The following CFAP299 variants were observed in gnomAD, a reference collection of about 807,000 sequenced individuals.
CFAP299 encodes the protein cilia and flagella associated protein 299, also known as cilia- and flagella-associated protein 299.
Under a neutral mutation model 27.0 loss-of-function variants are expected in CFAP299, and 21 were observed. The ratio of observed to expected loss-of-function variants is 0.78; its 90% CI spans 0.55 to 1.12. CFAP299 has a LOEUF of 1.12. CFAP299 is among the 50% of genes most tolerant of loss of function. CFAP299 has a pLI of 0.00. For missense variants in CFAP299, 310 were observed against 276.6 expected (o/e 1.12, Z -0.86); for synonymous variants, 104 against 98.1 (o/e 1.06, Z -0.36).
chr4:80,918,570 G>A (rs552455625), intron 4 of CFAP299, among the ~76,000 whole-genome samples: 2 of 152,008 alleles, frequency 1.3e-5, no homozygotes, highest in Admixed American at 1.3e-4. Context: ...GAACATACAC[G>A]TATTTGTGTA....
chr4:80,555,519 G>A (rs769565392), intron 2 of CFAP299, among the ~76,000 whole-genome samples: 2 of 152,104 alleles, frequency 1.3e-5, no homozygotes, highest in Non-Finnish European at 2.9e-5. Flanking sequence ...CATAGAATAA[G>A]TTTGGGAGGA....
chr4:80,368,293 T>C lies in CFAP299; in HGVS notation c.242+5409T>C, dbSNP rs148994689. ...TGGATCCCTATGATCTTTTTGTACT[T>C]GATGAAGAGGATTTCTATGGTGATT... is the stretch of plus-strand genomic sequence containing the variant. On this transcript the variant is annotated intron_variant, in intron 2 of 5. Coordinates refer to ENST00000358105, the MANE Select transcript of CFAP299 (RefSeq NM_152770.3). Among the ~76,000 whole-genome samples, 257 of 152,290 alleles carry C rather than the reference T, an allele frequency of 1.7e-3. 1 individual carries two copies. The highest frequency in any genetic ancestry group is 6.1e-3 in the African/African-American group (252 of 41,556).
At chr4:80,456,983 C>CTTTTT (rs34551414) in intron 2 of CFAP299, among the ~76,000 whole-genome samples, 1 of 142,836 alleles carries the variant, frequency 7.0e-6, no homozygotes, top group Admixed American at 7.0e-5. Context: ...ATTCCAAATG[C>CTTTTT]TTTTTTTTTT....
chr4:80,707,111 T>A (rs1056408684), intron 3 of CFAP299, among the ~76,000 whole-genome samples: 1 of 151,914 alleles, frequency 6.6e-6, no homozygotes, highest in African/African-American at 2.4e-5. Context: ...TGTTTAATCT[T>A]CTATAGTAAC....
rs555573995 is a variant in CFAP299, at chr4:80,599,527, C to T, written c.333+16344C>T. ...AAAGTGATGTAGTTAGTGACCCAGT[C>T]GGTCTAGAAAATAGTTTTTAAAAAT... On this transcript the variant is annotated intron_variant, in intron 3 of 5. Coordinates refer to ENST00000358105, the MANE Select transcript of CFAP299 (RefSeq NM_152770.3). 3.7e-4 allele frequency among the ~76,000 whole-genome samples: 57 copies of T among 152,140 alleles called. 1 individual carries two copies. Among genetic ancestry groups the T allele is most frequent in the Admixed American group, 2.7e-3 (41 of 15,270 alleles).
chr4:80,420,436 T>C lies in CFAP299; in HGVS notation c.242+57552T>C, dbSNP rs577537226. The C allele has an allele frequency of 1.1e-4, 30 of 274,270 alleles. No individual in the cohort carries two copies. The South Asian group carries it at 1.1e-3, about 10-fold the overall frequency. 17.0% of individuals were successfully genotyped at this position (274,270 alleles called of 1,614,324 possible). A position where few individuals can be genotyped will look rare whatever the true frequency, so the allele number is the denominator to read the frequency against. On this transcript the variant is annotated intron_variant, in intron 2 of 5. Transcript: ENST00000358105. The stretch of plus-strand genomic sequence containing the variant: ...TTTATTTTTTTCATCACCAACACTT[T>C]TGTCTTTTTGATAACAGCCATTCTA...
At chr4:80,881,244 T>C (rs932381186) in intron 4 of CFAP299, among the ~76,000 whole-genome samples, 1 of 152,148 alleles carries the variant, frequency 6.6e-6, no homozygotes, top group Non-Finnish European at 1.5e-5. Context: ...CCCTAACAGC[T>C]CTGTGAGATT....
At chr4:80,407,138 A>G (rs1181258047) in intron 2 of CFAP299, among the ~76,000 whole-genome samples, 1 of 152,178 alleles carries the variant, frequency 6.6e-6, no homozygotes, top group African/African-American at 2.4e-5. Context: ...ATTGTCAAGC[A>G]ATGTCAATGA....
At chr4:80,860,790 T>G (rs1578192165) in intron 3 of CFAP299, among the ~76,000 whole-genome samples, 1 of 152,110 alleles carries the variant, frequency 6.6e-6, no homozygotes, top group African/African-American at 2.4e-5. Flanking sequence ...GAGGAGTACC[T>G]GGCCGTGTGA....
At chr4:80,560,372 T>C (rs1734979699) in intron 2 of CFAP299, among the ~76,000 whole-genome samples, 1 of 152,156 alleles carries the variant, frequency 6.6e-6, no homozygotes, top group Admixed American at 6.5e-5. Context: ...CAGGTGAGAC[T>C]CAGCACATTA....
intron 3 of CFAP299, among the ~76,000 whole-genome samples, chr4:80,767,590 C>G (rs1725956195): frequency 6.6e-6 from 1 of 152,140 alleles, no homozygotes; most frequent in African/African-American, 2.4e-5. Flanking sequence ...GCGTCGGCAA[C>G]AGAGCGAGAC....
intron 3 of CFAP299, among the ~76,000 whole-genome samples, chr4:80,793,947 G>A (rs1027546267): frequency 6.6e-6 from 1 of 152,120 alleles, no homozygotes; most frequent in African/African-American, 2.4e-5. Context: ...TTTTCCTGGT[G>A]GAATGACCCA....
chr4:80,595,317 T>C (rs1272510096), intron 3 of CFAP299, among the ~76,000 whole-genome samples: 1 of 152,186 alleles, frequency 6.6e-6, no homozygotes, highest in African/African-American at 2.4e-5. Flanking sequence ...TATATTTGTA[T>C]TTCAAATTCA....
chr4:80,454,894 G>T (rs952357900), intron 2 of CFAP299, among the ~76,000 whole-genome samples: 1 of 152,124 alleles, frequency 6.6e-6, no homozygotes, highest in African/African-American at 2.4e-5. Context: ...AGTGTTGACT[G>T]GTCCGGTTGG....
At chr4:80,723,232 A>T (rs1722941895) in intron 3 of CFAP299, among the ~76,000 whole-genome samples, 1 of 152,186 alleles carries the variant, frequency 6.6e-6, no homozygotes, top group Non-Finnish European at 1.5e-5. Flanking sequence ...TATTACCTAG[A>T]CACTCTATCC....
chr4:80,912,339 G>A (rs1735518098), intron 4 of CFAP299, among the ~76,000 whole-genome samples: 1 of 152,170 alleles, frequency 6.6e-6, no homozygotes, highest in African/African-American at 2.4e-5. Context: ...CATTACAGCA[G>A]GAGAATAGAC....
At chr4:80,370,480 T>C (rs1724085490) in intron 2 of CFAP299, among the ~76,000 whole-genome samples, 1 of 152,204 alleles carries the variant, frequency 6.6e-6, no homozygotes, top group Non-Finnish European at 1.5e-5. Context: ...GAAACAAGGC[T>C]AGTCCCTTTT....
At chr4:80,365,040 A>G (rs1462085880) in intron 2 of CFAP299, among the ~76,000 whole-genome samples, 2 of 152,036 alleles carry the variant, frequency 1.3e-5, no homozygotes, top group Non-Finnish European at 2.9e-5. Context: ...TGTCTTTGTT[A>G]TTGTGAACAG....
intron 2 of CFAP299, among the ~76,000 whole-genome samples, chr4:80,553,660 A>T (rs1734640780): frequency 6.6e-6 from 1 of 151,926 alleles, no homozygotes; most frequent in African/African-American, 2.4e-5. Flanking sequence ...TTGCCAGCAT[A>T]TGTTATTTTT....
Sources: gnomAD v4.1 joint callset for allele counts (sites outside exome capture counted in the v4.1 genomes callset) on GRCh38, gnomAD v4.1.1 for gene constraint, MANE v1.5 for transcripts, NCBI Gene and HGNC (gene_info 2026-07-23, HGNC 2026-07-21) for gene names.